Variants in DMD observed in about 807,000 individuals in gnomAD.
DMD encodes dystrophin.
A neutral mutation model predicts 330.1 loss-of-function variants in DMD; 63 were observed. That is an observed-to-expected ratio of 0.19 (90% CI 0.16 to 0.24). The LOEUF is 0.24. Ranked by LOEUF, DMD falls within the 10% of genes least tolerant of loss-of-function variation. The probability of loss-of-function intolerance (pLI) is 1.00; values close to 1 mark genes in which losing one functional copy is unlikely to be tolerated. For synonymous variants in DMD, 1,223 were observed against 959.8 expected, an observed-to-expected ratio of 1.27 and a Z score of -5.07; for missense variants, 3,344 against 2,684.1, an observed-to-expected ratio of 1.25 and a Z score of -5.43.
At chrX:31,510,818 C>A (rs953052452) in intron 55 of DMD, among the ~76,000 whole-genome samples, 1 of 110,937 alleles carries the variant, frequency 9.0e-6, no homozygotes, top group African/African-American at 3.3e-5. Context: ...CCTGATTGCT[C>A]TTTTCACTTC....
intron 62 of DMD, among the ~76,000 whole-genome samples, chrX:31,283,706 A>G (rs767271316): frequency 1.8e-5 from 2 of 112,034 alleles, no homozygotes; most frequent in South Asian, 7.5e-4. Context: ...AAAGAAGAAA[A>G]TAAAAAGATC....
At chrX:32,706,869 T>C (rs2064715826) in intron 7 of DMD, among the ~76,000 whole-genome samples, 1 of 111,153 alleles carries the variant, frequency 9.0e-6, no homozygotes, top group Non-Finnish European at 1.9e-5. Context: ...GGTGGGCGGA[T>C]CACCTGAGGT....
Position 32,138,202 on chromosome X carries a change from T to C in DMD, c.6438+78714A>G, listed in dbSNP as rs765303274. ...AATCACACAACTGAAGCTTCATTTA[T>C]GACACTGCTACAGTGTACCAATTCC... is the stretch of plus-strand genomic sequence containing the variant. On this transcript the variant is annotated intron_variant, in intron 44 of 78. Coordinates refer to ENST00000357033, the MANE Select transcript of DMD (RefSeq NM_004006.3). Among the ~76,000 whole-genome samples the C allele has an allele frequency of 8.1e-5, 9 of 111,042 alleles. No homozygotes were observed. In the East Asian group the frequency reaches 1.4e-3, roughly 18 times the overall value.
intron 7 of DMD, among the ~76,000 whole-genome samples, chrX:32,800,360 C>T (rs1603428471): frequency 9.0e-6 from 1 of 111,076 alleles, no homozygotes; most frequent in East Asian, 2.8e-4. Context: ...ACTAAGCAGT[C>T]AGTAAATAAA....
intron 11 of DMD, among the ~76,000 whole-genome samples, chrX:32,631,260 G>A (rs2058708971): frequency 9.0e-6 from 1 of 111,648 alleles, no homozygotes; most frequent in Non-Finnish European, 1.9e-5. Flanking sequence ...ACCACGACTA[G>A]GATTGTGTTG....
chrX:31,722,475 T>C (rs1448543442), intron 52 of DMD, among the ~76,000 whole-genome samples: 1 of 111,155 alleles, frequency 9.0e-6, no homozygotes, highest in Non-Finnish European at 1.9e-5. Flanking sequence ...TATCTCTTTA[T>C]ACTTCCATAA....
chrX:31,438,096 C>G (rs2064672503), intron 60 of DMD, among the ~76,000 whole-genome samples: 1 of 110,093 alleles, frequency 9.1e-6, no homozygotes, highest in Admixed American at 9.9e-5. Flanking sequence ...CCTTCATCCT[C>G]CACGTTTCCC....
intron 25 of DMD, among the ~76,000 whole-genome samples, chrX:32,461,324 TCTC>T (rs911274421): frequency 1.8e-5 from 2 of 111,051 alleles, no homozygotes; most frequent in African/African-American, 3.3e-5. Flanking sequence ...GTCTTCTTCT[TCTC>T]CTTGAGCGCC....
chrX:31,484,678 G>A (rs900056449), intron 57 of DMD, among the ~76,000 whole-genome samples: 2 of 112,125 alleles, frequency 1.8e-5, no homozygotes, highest in African/African-American at 6.5e-5. Context: ...CACTATTATA[G>A]CAATGATAAT....
intron 20 of DMD, among the ~76,000 whole-genome samples, chrX:32,488,276 G>A (rs761368491): frequency 9.0e-6 from 1 of 111,583 alleles, no homozygotes; most frequent in East Asian, 2.8e-4. Flanking sequence ...TCTCCTTTGA[G>A]TCTGTTTATT....
rs757044804 is a variant in DMD at position 32,445,845 on chromosome X, T to C, written c.3786+2611A>G. Among the ~76,000 whole-genome samples, 4 of 111,231 alleles carry C rather than the reference T, an allele frequency of 3.6e-5. No individual in the cohort carries two copies. The East Asian group carries it at 1.1e-3, about 32-fold the overall frequency. ...ATAAAATATTGAGAAATGGAAAATA[T>C]GTTTTTTGAAAAAATATAAACACAC... On this transcript the variant is annotated intron_variant, in intron 27 of 78. Transcript: ENST00000357033.
chrX:33,003,365 A>G (rs752000035), intron 2 of DMD, among the ~76,000 whole-genome samples: 1 of 112,456 alleles, frequency 8.9e-6, no homozygotes, highest in East Asian at 2.8e-4. Context: ...AAAACAAACA[A>G]CAAATGTTAT....
At chrX:31,139,280 T>C (rs954535199) in intron 76 of DMD, among the ~76,000 whole-genome samples, 2 of 111,509 alleles carry the variant, frequency 1.8e-5, no homozygotes, top group Admixed American at 1.9e-4. Context: ...AACTAAAATG[T>C]AGAACTACCA....
chrX:31,351,831 T>C (rs1483557833), intron 60 of DMD, among the ~76,000 whole-genome samples: 1 of 109,527 alleles, frequency 9.1e-6, no homozygotes, highest in Non-Finnish European at 1.9e-5. Context: ...ATATGTGGCA[T>C]GACAATATGA....
At chrX:32,005,261 A>G (rs922388065) in intron 44 of DMD, among the ~76,000 whole-genome samples, 26 of 111,839 alleles carry the variant, frequency 2.3e-4, no homozygotes, top group African/African-American at 8.1e-4. Context: ...TTACTTAAAA[A>G]GCAATTTACC....
chrX:31,617,329 G>T (rs902014283), intron 55 of DMD, among the ~76,000 whole-genome samples: 2 of 110,820 alleles, frequency 1.8e-5, no homozygotes, highest in Non-Finnish European at 3.8e-5. Flanking sequence ...GAGGTCAGGA[G>T]TTTGCGACCA....
intron 55 of DMD, among the ~76,000 whole-genome samples, chrX:31,539,961 G>A (rs1210081617): frequency 1.8e-5 from 2 of 111,436 alleles, no homozygotes; most frequent in African/African-American, 6.5e-5. Context: ...GAACTTCTTA[G>A]GGGTGGGAGG....
chrX:32,652,932 C>A (rs1178245809), intron 9 of DMD, among the ~76,000 whole-genome samples: 1 of 112,025 alleles, frequency 8.9e-6, no homozygotes, highest in Non-Finnish European at 1.9e-5. Context: ...GCATTTTTTT[C>A]ATGTGTCTGT....
intron 42 of DMD, among the ~76,000 whole-genome samples, chrX:32,290,276 C>A (rs898432900): frequency 4.5e-5 from 5 of 112,225 alleles, no homozygotes; most frequent in African/African-American, 6.5e-5. Flanking sequence ...ACTCTTTATT[C>A]CTGGCATTAC....
Sources: gnomAD v4.1 joint callset for allele counts (sites outside exome capture counted in the v4.1 genomes callset) on GRCh38, gnomAD v4.1.1 for gene constraint, MANE v1.5 for transcripts, NCBI Gene and HGNC (gene_info 2026-07-23, HGNC 2026-07-21) for gene names.